SGCZ: variants seen among roughly 807,000 people sequenced by gnomAD.
The protein encoded by SGCZ is sarcoglycan zeta.
SGCZ carries 40 observed loss-of-function variants against 41.3 expected under a neutral mutation model. That is an observed-to-expected ratio of 0.97 (90% confidence interval 0.75 to 1.26). SGCZ has a LOEUF of 1.26. Ranked by LOEUF, SGCZ falls within the 50% of genes most tolerant of loss-of-function variation. The pLI is 0.00. For synonymous variants in SGCZ, 206 were observed against 137.5 expected, an observed-to-expected ratio of 1.50 and a Z score of -3.49; for missense variants, 552 against 369.8, an observed-to-expected ratio of 1.49 and a Z score of -4.04.
At chr8:15,201,520 TA>T (rs1800889188) in intron 1 of SGCZ, among the ~76,000 whole-genome samples, 1 of 152,224 alleles carries the variant, frequency 6.6e-6, no homozygotes, top group Non-Finnish European at 1.5e-5. Context: ...ACAAGATTAA[TA>T]AATGTCAGTT....
intron 1 of SGCZ, among the ~76,000 whole-genome samples, chr8:15,107,152 T>A (rs1289657164): frequency 6.6e-6 from 1 of 152,166 alleles, no homozygotes; most frequent in Non-Finnish European, 1.5e-5. Flanking sequence ...TGAGATTAGT[T>A]TGTCATTTTA....
intron 4 of SGCZ, among the ~76,000 whole-genome samples, chr8:14,203,392 C>T (rs1454134633): frequency 6.6e-6 from 1 of 152,132 alleles, no homozygotes; most frequent in Non-Finnish European, 1.5e-5. Context: ...TTTACCTTGG[C>T]TAACATAGAA....
intron 7 of SGCZ, among the ~76,000 whole-genome samples, chr8:14,095,145 CA>C (rs1245703275): frequency 6.6e-6 from 1 of 152,100 alleles, no homozygotes; most frequent in African/African-American, 2.4e-5. Context: ...TCCTATTTGT[CA>C]ATACTGGCTT....
At chr8:15,179,764 A>T (rs1032021067) in intron 1 of SGCZ, among the ~76,000 whole-genome samples, 2 of 152,220 alleles carry the variant, frequency 1.3e-5, no homozygotes, top group Non-Finnish European at 2.9e-5. Flanking sequence ...TTAACAAGAC[A>T]TTAGGAAATA....
At chr8:14,505,640 G>T (rs985557176) in intron 2 of SGCZ, among the ~76,000 whole-genome samples, 3 of 151,952 alleles carry the variant, frequency 2.0e-5, no homozygotes, top group Non-Finnish European at 4.4e-5. Context: ...ATCTACAATT[G>T]TTCTCTAGGA....
chr8:14,922,937 A>T (rs1018550663), intron 1 of SGCZ, among the ~76,000 whole-genome samples: 1 of 152,362 alleles, frequency 6.6e-6, no homozygotes, highest in East Asian at 1.9e-4. Flanking sequence ...ACATTTTCTC[A>T]TAAAGTTTTC....
At chr8:14,701,629 C>T (rs1809139962) in intron 1 of SGCZ, among the ~76,000 whole-genome samples, 1 of 151,974 alleles carries the variant, frequency 6.6e-6, no homozygotes, top group Admixed American at 6.6e-5. Flanking sequence ...TCCAAACCTT[C>T]TCCTTATTCC....
At chr8:15,161,049 C>CT (rs1290803184) in intron 1 of SGCZ, among the ~76,000 whole-genome samples, 2 of 152,080 alleles carry the variant, frequency 1.3e-5, no homozygotes, top group African/African-American at 4.8e-5. Context: ...TCAACGGCCT[C>CT]TTTCTCTGCA....
chr8:14,726,311 C>CATATATATATATATATATATATATAT (rs1202306930), intron 1 of SGCZ, among the ~76,000 whole-genome samples: 6 of 107,668 alleles, frequency 5.6e-5, no homozygotes, highest in South Asian at 3.0e-4. Context: ...TGTGTAAATA[C>CATATATATATATATATATATATATAT]ATATATATAT....
intron 3 of SGCZ, among the ~76,000 whole-genome samples, chr8:14,280,057 A>G (rs1260719965): frequency 6.6e-6 from 1 of 151,986 alleles, no homozygotes; most frequent in Non-Finnish European, 1.5e-5. Flanking sequence ...GAGTCATACA[A>G]TGTGGGATTT....
chr8:14,816,591 T>C (rs1801908768), intron 1 of SGCZ, among the ~76,000 whole-genome samples: 1 of 152,106 alleles, frequency 6.6e-6, no homozygotes, highest in Admixed American at 6.6e-5. Context: ...TTCTCAAGAG[T>C]TATTAATTTC....
At chr8:14,128,237 G>C (rs555735973) in intron 5 of SGCZ, among the ~76,000 whole-genome samples, 1 of 152,268 alleles carries the variant, frequency 6.6e-6, no homozygotes, top group African/African-American at 2.4e-5. Flanking sequence ...CAAAGGCAGA[G>C]ACATAAATGG....
intron 2 of SGCZ, among the ~76,000 whole-genome samples, chr8:14,426,374 A>G (rs929280280): frequency 1.3e-5 from 2 of 152,038 alleles, no homozygotes; most frequent in Admixed American, 6.6e-5. Context: ...CCCTCCCCCA[A>G]TTTGGTTAAC....
At chr8:14,282,889 A>G (rs1424601445) in intron 3 of SGCZ, among the ~76,000 whole-genome samples, 16 of 116,292 alleles carry the variant, frequency 1.4e-4, no homozygotes, top group African/African-American at 2.1e-4. Context: ...TCACTCTGTC[A>G]CCCAGGCTGG....
intron 1 of SGCZ, among the ~76,000 whole-genome samples, chr8:14,826,121 C>A (rs1235748403): frequency 7.2e-6 from 1 of 138,166 alleles, no homozygotes; most frequent in African/African-American, 2.7e-5. Flanking sequence ...GTGTGATGCT[C>A]CCCTTCCTGT....
chr8:14,261,385 T>G (rs766409834), intron 3 of SGCZ, among the ~76,000 whole-genome samples: 3 of 152,202 alleles, frequency 2.0e-5, no homozygotes, highest in Non-Finnish European at 2.9e-5. Context: ...AGTAAGTATT[T>G]TGACAGTTTA....
At chr8:14,877,244 T>G (rs535692798) in intron 1 of SGCZ, among the ~76,000 whole-genome samples, 1 of 152,276 alleles carries the variant, frequency 6.6e-6, no homozygotes, top group East Asian at 1.9e-4. Context: ...AGTGCTGGGA[T>G]TACCAAGTGT....
At chr8:14,712,258 C>T (rs147481591) in intron 1 of SGCZ, among the ~76,000 whole-genome samples, 50 of 152,352 alleles carry the variant, frequency 3.3e-4, no homozygotes, top group African/African-American at 1.2e-3. Flanking sequence ...CCTCCTTCAG[C>T]TCCGTCCTGA....
At chr8:14,913,486 A>G (rs538012821) in intron 1 of SGCZ, among the ~76,000 whole-genome samples, 1 of 152,084 alleles carries the variant, frequency 6.6e-6, no homozygotes, top group African/African-American at 2.4e-5. Flanking sequence ...TGTTTAAAGC[A>G]TAATATCTTT....
Sources: allele counts gnomAD v4.1 joint callset (sites outside exome capture counted in the v4.1 genomes callset), GRCh38; gene constraint gnomAD v4.1.1; transcripts MANE v1.5; gene names NCBI Gene and HGNC (gene_info 2026-07-23, HGNC 2026-07-21).